Variants in TCERG1L observed in about 807,000 individuals in gnomAD.
TCERG1L encodes the protein transcription elongation regulator 1-like protein.
A neutral mutation model predicts 56.3 loss-of-function variants in TCERG1L; 37 were observed. The ratio of observed to expected loss-of-function variants is 0.66; its 90% confidence interval spans 0.51 to 0.87. TCERG1L has a LOEUF of 0.87. TCERG1L is among the 40% of genes least tolerant of loss of function. TCERG1L has a pLI of 0.00. For missense variants in TCERG1L, 799 were observed against 774.2 expected (o/e 1.03, Z -0.38); for synonymous variants, 324 against 326.3 (o/e 0.99, Z 0.08).
intron 4 of TCERG1L, among the ~76,000 whole-genome samples, chr10:131,203,041 G>T (rs565980603): frequency 6.6e-6 from 1 of 152,102 alleles, no homozygotes; most frequent in Admixed American, 6.5e-5. Context: ...AGGTCACGCC[G>T]ACACCGATGT....
intron 8 of TCERG1L, among the ~76,000 whole-genome samples, chr10:131,128,448 G>A (rs1032858674): frequency 6.6e-6 from 1 of 152,128 alleles, no homozygotes; most frequent in Non-Finnish European, 1.5e-5. Context: ...CTGGGAAAAC[G>A]AACCAAGAAT....
intron 6 of TCERG1L, among the ~76,000 whole-genome samples, chr10:131,156,773 C>T (rs1239184469): frequency 6.6e-6 from 1 of 152,116 alleles, no homozygotes; most frequent in East Asian, 1.9e-4. Flanking sequence ...CCCCTGCTTG[C>T]TCAATCGATC....
At chr10:131,112,505 C>T (rs963323462) in intron 9 of TCERG1L, among the ~76,000 whole-genome samples, 7 of 142,468 alleles carry the variant, frequency 4.9e-5, no homozygotes, top group African/African-American at 1.7e-4. Flanking sequence ...TTTCAACCTG[C>T]CCCACTCTGC....
intron 6 of TCERG1L, among the ~76,000 whole-genome samples, chr10:131,150,136 A>G (rs1845847246): frequency 9.5e-6 from 1 of 104,956 alleles, no homozygotes; most frequent in Admixed American, 1.0e-4. Flanking sequence ...TGAAGGTCTC[A>G]CCAGGAGCCT....
intron 4 of TCERG1L, among the ~76,000 whole-genome samples, chr10:131,210,496 A>G (rs1458343837): frequency 6.6e-6 from 1 of 152,222 alleles, no homozygotes; most frequent in Non-Finnish European, 1.5e-5. Context: ...GGGCAATACC[A>G]AGGTGAAAAT....
chr10:131,260,486 G>T lies in TCERG1L; in HGVS notation c.671-42C>A. The T allele has an allele frequency of 7.4e-7, 1 of 1,354,710 alleles. No individual in the cohort carries two copies. The allele number at this position is 1,354,710 out of a possible 1,614,324, so 83.9% of individuals were successfully genotyped here. On this transcript the variant is annotated intron_variant, in intron 3 of 11. Coordinates refer to ENST00000368642, the MANE Select transcript of TCERG1L (RefSeq NM_174937.4). This position sits in a 1 kb window ranked among gnomAD's most constrained non-coding sequence, Gnocchi z 5.8. ...CAGAGGGTCAGCAAGGGGACGACCA[G>T]GGCCATGGGTGACAGATGCCCATCT... is the stretch of plus-strand genomic sequence containing the variant.
intron 6 of TCERG1L, among the ~76,000 whole-genome samples, chr10:131,153,783 G>A (rs987565220): frequency 2.6e-5 from 4 of 152,284 alleles, no homozygotes; most frequent in South Asian, 2.1e-4. Context: ...GTAAAGAGTG[G>A]AGCTAATTAG....
intron 4 of TCERG1L, among the ~76,000 whole-genome samples, chr10:131,224,547 C>T (rs751161469): frequency 2.0e-5 from 3 of 152,322 alleles, no homozygotes; most frequent in Admixed American, 6.5e-5. Flanking sequence ...TGATTGACAG[C>T]GAGATGTCTG....
At chr10:131,150,660 T>C (rs985524081) in intron 6 of TCERG1L, among the ~76,000 whole-genome samples, 27 of 152,202 alleles carry the variant, frequency 1.8e-4, no homozygotes, top group African/African-American at 5.8e-4. Context: ...GCAAGAGCTC[T>C]GTTCTGCCCA....
chr10:131,123,255 C>T lies in TCERG1L; in HGVS notation c.1260-6321G>A, dbSNP rs369572043. Among the ~76,000 whole-genome samples, 21 of 152,286 alleles carry T rather than the reference C, an allele frequency of 1.4e-4. 1 individual carries two copies. The highest frequency in any genetic ancestry group is 3.4e-3 in the Middle Eastern group (1 of 294). On this transcript the variant is annotated intron_variant, in intron 8 of 11. Transcript: ENST00000368642. ...CAGAGAGTAACAATAACCAATACCA[C>T]CAAGTAAGTAAATTGGGTGGTGTAA... is the stretch of plus-strand genomic sequence containing the variant.
intron 3 of TCERG1L, among the ~76,000 whole-genome samples, chr10:131,293,284 G>A (rs184939902): frequency 4.6e-5 from 7 of 152,230 alleles, no homozygotes; most frequent in African/African-American, 1.7e-4. Flanking sequence ...ATGGTTTCAT[G>A]TTTAACATCA....
At chr10:131,218,162 G>A (rs962464961) in intron 4 of TCERG1L, among the ~76,000 whole-genome samples, 11 of 152,136 alleles carry the variant, frequency 7.2e-5, no homozygotes, top group Non-Finnish European at 1.3e-4. Flanking sequence ...TCATTACTGC[G>A]TTTCCTGGTG....
chr10:131,231,004 A>T (rs991378129), intron 4 of TCERG1L, among the ~76,000 whole-genome samples: 2 of 148,346 alleles, frequency 1.3e-5, no homozygotes. Flanking sequence ...ACCCCTGAGC[A>T]CCGCTCCTAG....
intron 9 of TCERG1L, 67 bp downstream of exon 9, chr10:131,116,732 C>T (rs112940327): frequency 0.032 from 49,624 of 1,535,268 alleles, 2,101 homozygotes; most frequent in East Asian, 0.21. Flanking sequence ...CAGGCAGGGA[C>T]GGCCACTCAG....
At chr10:131,176,532 A>C in intron 4 of TCERG1L, among the ~76,000 whole-genome samples, 1 of 151,010 alleles carries the variant, frequency 6.6e-6, no homozygotes, top group African/African-American at 2.4e-5. Flanking sequence ...ACACACAAAC[A>C]CGTGTACACC....
chr10:131,203,068 A>G (rs1262209026), intron 4 of TCERG1L, among the ~76,000 whole-genome samples: 3 of 152,218 alleles, frequency 2.0e-5, no homozygotes, highest in African/African-American at 7.2e-5. Flanking sequence ...TTTATCACAC[A>G]GCTGCCAGGA....
chr10:131,237,503 C>G (rs183047516), intron 4 of TCERG1L, among the ~76,000 whole-genome samples: 9 of 152,292 alleles, frequency 5.9e-5, no homozygotes, highest in African/African-American at 2.2e-4. Context: ...AGGAGATAAA[C>G]GAAGCAATGA....
chr10:131,113,359 C>T (rs1057384145), intron 9 of TCERG1L, among the ~76,000 whole-genome samples: 1 of 142,046 alleles, frequency 7.0e-6, no homozygotes, highest in African/African-American at 2.5e-5. Context: ...TTTCTGTGCA[C>T]GCGTGCCCTG....
At chr10:131,198,146 G>A (rs1054548883) in intron 4 of TCERG1L, among the ~76,000 whole-genome samples, 1 of 152,216 alleles carries the variant, frequency 6.6e-6, no homozygotes, top group Non-Finnish European at 1.5e-5. Context: ...CCAATGGTCT[G>A]GGCATCCTGG....
Sources: allele counts gnomAD v4.1 joint callset (sites outside exome capture counted in the v4.1 genomes callset), GRCh38; gene constraint gnomAD v4.1.1; non-coding constraint Gnocchi (gnomAD v3.1); transcripts MANE v1.5; gene names NCBI Gene and HGNC (gene_info 2026-07-23, HGNC 2026-07-21).